The following ZFP91 variants were observed in gnomAD, a reference collection of about 807,000 sequenced individuals.
The protein encoded by ZFP91 is ZFP91 zinc finger protein, atypical E3 ubiquitin ligase.
A neutral mutation model predicts 63.5 loss-of-function variants in ZFP91; 7 were observed. The ratio of observed to expected loss-of-function variants is 0.11; its 90% CI spans 0.06 to 0.21. The LOEUF is 0.21. Among genes scored for constraint, ZFP91 ranks in the 10% least tolerant of loss-of-function variants. ZFP91 has a pLI of 1.00. For missense variants in ZFP91, 628 were observed against 736.6 expected (o/e 0.85, Z 1.71); for synonymous variants, 330 against 272.1 (o/e 1.21, Z -2.10).
chr11:58,617,649 T>C lies in ZFP91; in HGVS notation c.1656T>C (p.Asp552=). The C allele has an allele frequency of 6.4e-7, 1 of 1,560,056 alleles. No homozygotes were observed. Residue 552 remains aspartate, a synonymous_variant, in exon 11 of 11, where the codon GAT becomes GAC. Coordinates refer to ENST00000316059, the MANE Select transcript of ZFP91 (RefSeq NM_053023.5). This position sits in a 1 kb window ranked among gnomAD's most constrained non-coding sequence, Gnocchi z 4.2. ...CTGAAGGGCTGGTTATGAACTCAGA[T>C]ATACTCGGTGCTACCACAGAGGTTC... ...GGTEGLVMNS[D]ILGATTEVLI...
rs375972935 is a variant in ZFP91 at position 58,615,571 on chromosome 11, G to A, written c.1103-1145G>A. On this transcript the variant is annotated intron_variant, in intron 9 of 10. Transcript: ENST00000316059. The stretch of plus-strand genomic sequence containing the variant: ...ATTTAGCAAATAGATGCCCCACACA[G>A]GTTTGTCCTGCTATGGAACTGGAAA... Among the ~76,000 whole-genome samples the A allele has an allele frequency of 6.6e-4, 101 of 152,096 alleles. 1 individual carries two copies. The highest frequency in any genetic ancestry group is 2.3e-3 in the African/African-American group (95 of 41,378).
At chr11:58,590,320 C>T (rs1446854148) in intron 2 of ZFP91, among the ~76,000 whole-genome samples, 1 of 152,188 alleles carries the variant, frequency 6.6e-6, no homozygotes, top group Non-Finnish European at 1.5e-5. Flanking sequence ...CGGGCAAAGG[C>T]TTCTTTAGCT....
At chr11:58,585,505 G>T (rs1855191745) in intron 2 of ZFP91, among the ~76,000 whole-genome samples, 1 of 151,758 alleles carries the variant, frequency 6.6e-6, no homozygotes, top group Non-Finnish European at 1.5e-5. Flanking sequence ...CTAGTTTTTG[G>T]CTGTGTTCCT....
Position 58,618,325 on chromosome 11 carries a change from C to T in ZFP91, c.*619C>T, listed in dbSNP as rs77137146. On this transcript the variant is annotated 3_prime_UTR_variant, in exon 11 of 11. Transcript: ENST00000316059. ...GAAGGATATATGGGGACCACCTCCC[C>T]CTTCTTTGATCCCAGCATCTCAGTC... 4,621 of 190,446 alleles carry T rather than the reference C, an allele frequency of 0.024. 230 individuals carry two copies. Among genetic ancestry groups the T allele is most frequent in the African/African-American group, 0.1 (4,343 of 42,042 alleles). 11.8% of individuals were successfully genotyped at this position (190,446 alleles called of 1,614,324 possible). A position where few individuals can be genotyped will look rare whatever the true frequency, so the allele number is the denominator to read the frequency against.
intron 3 of ZFP91, 26 bp downstream of exon 3, chr11:58,610,065 T>G (rs752490489): frequency 1.2e-6 from 2 of 1,607,002 alleles, no homozygotes; most frequent in Non-Finnish European, 1.7e-6. Flanking sequence ...AATATGGCTG[T>G]TTACTAACTA....
chr11:58,595,183 T>A (rs1855376080), intron 2 of ZFP91, among the ~76,000 whole-genome samples: 1 of 152,206 alleles, frequency 6.6e-6, no homozygotes, highest in Admixed American at 6.5e-5. Context: ...AAGATAAGAA[T>A]AATAAATACT....
intron 2 of ZFP91, among the ~76,000 whole-genome samples, chr11:58,599,387 A>G (rs1242538837): frequency 2.0e-5 from 3 of 152,008 alleles, no homozygotes; most frequent in African/African-American, 4.8e-5. Flanking sequence ...ATTTTTCTTA[A>G]CACTGTTTTC....
intron 1 of ZFP91, 62 bp from the exon 2 acceptor site, chr11:58,584,794 T>G (rs1855176801): frequency 7.1e-7 from 1 of 1,405,064 alleles, no homozygotes; most frequent in Non-Finnish European, 9.7e-7. Context: ...CTGAAAGAGA[T>G]ATTTATATTT....
At chr11:58,613,334 T>A (rs529380335) in intron 8 of ZFP91, among the ~76,000 whole-genome samples, 44 of 151,960 alleles carry the variant, frequency 2.9e-4, no homozygotes, top group Non-Finnish European at 1.6e-4. Context: ...TCTACTCCAA[T>A]GATAATATCA....
chr11:58,609,550 G>C (rs892481594), intron 2 of ZFP91, among the ~76,000 whole-genome samples: 2 of 152,146 alleles, frequency 1.3e-5, no homozygotes, highest in Non-Finnish European at 2.9e-5. Context: ...CATGAATCCA[G>C]TTACTTAAGT....
intron 2 of ZFP91, among the ~76,000 whole-genome samples, chr11:58,593,912 T>C (rs772588715): frequency 1.2e-4 from 18 of 152,236 alleles, no homozygotes; most frequent in Non-Finnish European, 2.4e-4. Flanking sequence ...CTCGTCTGTT[T>C]CCTAAGTATT....
chr11:58,592,471 G>A (rs2134397750), intron 2 of ZFP91, among the ~76,000 whole-genome samples: 1 of 152,154 alleles, frequency 6.6e-6, no homozygotes, highest in East Asian at 1.9e-4. Context: ...TGACCAGAAT[G>A]TTCTAAGGTA....
In ZFP91 at chr11:58,594,461, T is replaced by G. The variant is rs112728563; in HGVS notation, c.370+9577T>G. On this transcript the variant is annotated intron_variant, in intron 2 of 10. Transcript: ENST00000316059. ...CCATCCTTTCACCTTCTCAAACTTA[T>G]GTCTGAGCAAAGTCTTAATGTTTTT... Among the ~76,000 whole-genome samples the G allele has an allele frequency of 2.2e-3, 341 of 152,338 alleles. 1 individual carries two copies. Among genetic ancestry groups the G allele is most frequent in the Middle Eastern group, 3.4e-3 (1 of 294 alleles).
chr11:58,613,839 T>C (rs1012297402), intron 8 of ZFP91, among the ~76,000 whole-genome samples: 8 of 152,138 alleles, frequency 5.3e-5, no homozygotes, highest in Non-Finnish European at 1.2e-4. Context: ...ACGAAGGCCT[T>C]CTTCTGGATC....
intron 7 of ZFP91, 103 bp from the exon 8 acceptor site, chr11:58,612,659 C>T: frequency 1.2e-6 from 1 of 853,052 alleles, no homozygotes; most frequent in Non-Finnish European, 1.9e-6. Flanking sequence ...ATTCTTCCTA[C>T]TATAAAATAG....
At position 58,620,160 on chromosome 11, in the gene ZFP91, C is replaced by T. The variant is rs906779744; in HGVS notation, c.*2454C>T. 2 of 152,096 alleles carry T rather than the reference C, an allele frequency of 1.3e-5. No homozygotes were observed. Among genetic ancestry groups the T allele is most frequent in the African/African-American group, 4.8e-5 (2 of 41,428 alleles). The allele number at this position is 152,096 out of a possible 1,614,324, so 9.4% of individuals were successfully genotyped here. A position where few individuals can be genotyped will look rare whatever the true frequency, so the allele number is the denominator to read the frequency against. On this transcript the variant is annotated 3_prime_UTR_variant, in exon 11 of 11. Coordinates refer to ENST00000316059, the MANE Select transcript of ZFP91 (RefSeq NM_053023.5). ...GGTCAAGGACCCTCTTTATAGCTAC[C>T]ATTTGCCTACAATAAATTATTGCAG...
chr11:58,594,826 C>T (rs758364054), intron 2 of ZFP91, among the ~76,000 whole-genome samples: 14 of 152,160 alleles, frequency 9.2e-5, no homozygotes, highest in South Asian at 4.2e-4. Flanking sequence ...ATTTATTTTC[C>T]GGTTTTTAAT....
At chr11:58,584,664 A>G (rs747950813) in intron 1 of ZFP91, among the ~76,000 whole-genome samples, 192 bp from the exon 2 acceptor site, 2 of 152,124 alleles carry the variant, frequency 1.3e-5, no homozygotes, top group Non-Finnish European at 2.9e-5. Context: ...AACTGTTTCA[A>G]GTGCTCAGTA....
At chr11:58,583,781 CA>C (rs1855157978) in intron 1 of ZFP91, among the ~76,000 whole-genome samples, 1 of 151,940 alleles carries the variant, frequency 6.6e-6, no homozygotes, top group Non-Finnish European at 1.5e-5. Flanking sequence ...AAGTATGGAA[CA>C]AACAGTGATA....
Sources: gnomAD v4.1 joint callset for allele counts (sites outside exome capture counted in the v4.1 genomes callset) on GRCh38, gnomAD v4.1.1 for gene constraint, Gnocchi (gnomAD v3.1) non-coding constraint, MANE v1.5 for transcripts, NCBI Gene and HGNC (gene_info 2026-07-23, HGNC 2026-07-21) for gene names.